ADGRD1: variants seen among roughly 807,000 people sequenced by gnomAD.
ADGRD1 encodes the protein adhesion G protein-coupled receptor D1.
Under a neutral mutation model 113.4 loss-of-function variants are expected in ADGRD1, and 77 were observed. The ratio of observed to expected loss-of-function variants is 0.68; its 90% CI spans 0.57 to 0.82. The LOEUF is 0.82. ADGRD1 is among the 40% of genes least tolerant of loss of function. ADGRD1 has a pLI of 0.00. For missense variants in ADGRD1, 1,036 were observed against 1,139.1 expected (o/e 0.91, Z 1.30); for synonymous variants, 474 against 475.0 (o/e 1.00, Z 0.03).
intron 15 of ADGRD1, among the ~76,000 whole-genome samples, chr12:131,097,922 C>G (rs563116892): frequency 5.7e-4 from 87 of 152,340 alleles, no homozygotes; most frequent in Non-Finnish European, 1.0e-3. Context: ...CAAGTCCAAC[C>G]AAGGAGAGAT....
intron 13 of ADGRD1, among the ~76,000 whole-genome samples, chr12:131,048,145 C>G (rs1288646121): frequency 6.6e-6 from 1 of 152,238 alleles, no homozygotes; most frequent in East Asian, 1.9e-4. Context: ...TCACAGAGCT[C>G]TCTCTGGCCC....
intron 24 of ADGRD1, among the ~76,000 whole-genome samples, chr12:131,138,500 A>G (rs1951161531): frequency 1.3e-5 from 2 of 152,188 alleles, no homozygotes; most frequent in Non-Finnish European, 2.9e-5. Flanking sequence ...TTAGAGATCA[A>G]CTGACCGTGA....
chr12:131,043,038 G>A (rs1202728363), intron 13 of ADGRD1, among the ~76,000 whole-genome samples: 2 of 152,242 alleles, frequency 1.3e-5, no homozygotes, highest in East Asian at 1.9e-4. Context: ...GCCCCTGTGG[G>A]CAGGTGAGTT....
chr12:131,059,938 G>A (rs1330296583), intron 13 of ADGRD1, among the ~76,000 whole-genome samples: 1 of 152,196 alleles, frequency 6.6e-6, no homozygotes, highest in Admixed American at 6.5e-5. Context: ...TATGACAAAT[G>A]ATTTTCAGTT....
At chr12:131,024,192 T>C (rs1391231175) in intron 13 of ADGRD1, 1 of 151,642 alleles carries the variant, frequency 6.6e-6, no homozygotes, top group African/African-American at 2.4e-5. Context: ...CTGGGGGGAG[T>C]TGTGCAGGAA....
intron 13 of ADGRD1, among the ~76,000 whole-genome samples, chr12:131,028,803 A>G (rs1303774272): frequency 2.0e-5 from 3 of 152,276 alleles, no homozygotes; most frequent in Non-Finnish European, 2.9e-5. Context: ...TGCCGGTACG[A>G]TTGCAACTGC....
chr12:131,004,995 T>G (rs1876901214), intron 11 of ADGRD1, among the ~76,000 whole-genome samples: 1 of 152,126 alleles, frequency 6.6e-6, no homozygotes, highest in Non-Finnish European at 1.5e-5. Flanking sequence ...AGCCTCAGAT[T>G]TTTGCCCCTG....
At chr12:130,998,804 G>C (rs976419760) in intron 8 of ADGRD1, among the ~76,000 whole-genome samples, 3 of 152,142 alleles carry the variant, frequency 2.0e-5, no homozygotes, top group African/African-American at 7.2e-5. Context: ...CTTCTCACCT[G>C]TCCACTAGCA....
chr12:131,103,395 G>T (rs1950140898), intron 15 of ADGRD1, among the ~76,000 whole-genome samples: 1 of 152,386 alleles, frequency 6.6e-6, no homozygotes, highest in East Asian at 1.9e-4. Context: ...GGGAGGCACA[G>T]GCTGTGGCGT....
intron 13 of ADGRD1, among the ~76,000 whole-genome samples, chr12:131,052,331 CCTG>C (rs1883480383): frequency 6.6e-6 from 1 of 152,194 alleles, no homozygotes; most frequent in African/African-American, 2.4e-5. Context: ...CTGCTGGCTT[CCTG>C]CTGTTTCACT....
intron 18 of ADGRD1, among the ~76,000 whole-genome samples, chr12:131,114,896 G>A (rs187884047): frequency 6.6e-6 from 1 of 152,304 alleles, no homozygotes; most frequent in East Asian, 1.9e-4. Context: ...CATCACTGAA[G>A]CAGACAAGAA....
At chr12:131,038,315 G>A (rs1881756507) in intron 13 of ADGRD1, among the ~76,000 whole-genome samples, 1 of 152,248 alleles carries the variant, frequency 6.6e-6, no homozygotes, top group Admixed American at 6.5e-5. Context: ...AGGGCAGGTG[G>A]CAGATGGCGC....
At chr12:130,970,473 G>A (rs1871481997) in intron 3 of ADGRD1, 1 of 152,200 alleles carries the variant, frequency 6.6e-6, no homozygotes, top group Non-Finnish European at 1.5e-5. Context: ...GAGGTCCCTT[G>A]AGTCGGTTAT....
intron 13 of ADGRD1, among the ~76,000 whole-genome samples, chr12:131,055,290 A>G (rs1883758639): frequency 6.6e-6 from 1 of 152,066 alleles, no homozygotes; most frequent in Non-Finnish European, 1.5e-5. Context: ...GATTCACGTG[A>G]TCCTTGGCCA....
intron 2 of ADGRD1, chr12:130,963,117 G>GT (rs1870559219): frequency 6.6e-6 from 1 of 152,016 alleles, no homozygotes; most frequent in Non-Finnish European, 1.5e-5. Flanking sequence ...TCAGGAGATC[G>GT]AAACCATGCT....
intron 23 of ADGRD1, 24 bp downstream of exon 23, chr12:131,137,038 A>G: frequency 3.8e-6 from 6 of 1,592,240 alleles, no homozygotes; most frequent in Non-Finnish European, 5.2e-6. Flanking sequence ...GCTTGCTGGC[A>G]GGTGCAGGTG....
At chr12:131,105,021 A>G in intron 16 of ADGRD1, 87 bp downstream of exon 16, 2 of 956,802 alleles carry the variant, frequency 2.1e-6, no homozygotes, top group East Asian at 2.8e-5. Flanking sequence ...GGGAGAGGGG[A>G]GGGGCTGTGG....
intron 13 of ADGRD1, among the ~76,000 whole-genome samples, chr12:131,066,587 A>G (rs1884739378): frequency 6.6e-6 from 1 of 152,228 alleles, no homozygotes; most frequent in Non-Finnish European, 1.5e-5. Flanking sequence ...AGAGCCAGAC[A>G]GACCGAATCC....
intron 5 of ADGRD1, among the ~76,000 whole-genome samples, chr12:130,985,237 A>T (rs969889156): frequency 6.6e-6 from 1 of 151,712 alleles, no homozygotes; most frequent in Non-Finnish European, 1.5e-5. Flanking sequence ...GAATTTTAAG[A>T]GTTTTTGGGT....
Sources: gnomAD v4.1 joint callset for allele counts (sites outside exome capture counted in the v4.1 genomes callset) on GRCh38, gnomAD v4.1.1 for gene constraint, MANE v1.5 for transcripts, NCBI Gene and HGNC (gene_info 2026-07-23, HGNC 2026-07-21) for gene names.